Variants in SLIT3 observed in about 807,000 individuals in gnomAD.
SLIT3 encodes slit homolog 3 protein.
Under a neutral mutation model 184.0 loss-of-function variants are expected in SLIT3, and 68 were observed. The observed-to-expected ratio is 0.37, with a 90% CI of 0.30 to 0.45. The LOEUF is 0.45. Among genes scored for constraint, SLIT3 ranks in the 20% least tolerant of loss-of-function variants. The pLI is 1.00. For missense variants in SLIT3, 1,707 were observed against 2,026.0 expected, an observed-to-expected ratio of 0.84 and a Z score of 3.02; for synonymous variants, 831 against 828.6, an observed-to-expected ratio of 1.00 and a Z score of -0.05.
At chr5:168,928,761 C>G (rs374888980) in intron 4 of SLIT3, among the ~76,000 whole-genome samples, 28 of 152,180 alleles carry the variant, frequency 1.8e-4, no homozygotes, top group Non-Finnish European at 2.9e-4. Flanking sequence ...TAAAATAGCA[C>G]TTTTAGAGCC....
intron 4 of SLIT3, among the ~76,000 whole-genome samples, chr5:169,052,042 C>T (rs1277905302): frequency 6.6e-6 from 1 of 151,992 alleles, no homozygotes. Flanking sequence ...CGGACATCCC[C>T]AGCCCCCTTC....
chr5:168,815,368 G>C (rs1757304772), intron 8 of SLIT3, among the ~76,000 whole-genome samples: 1 of 152,166 alleles, frequency 6.6e-6, no homozygotes, highest in South Asian at 2.1e-4. Flanking sequence ...GAAGTGGTGT[G>C]TGAGGTCATA....
At chr5:168,860,264 T>C (rs1377979706) in intron 5 of SLIT3, among the ~76,000 whole-genome samples, 4 of 152,290 alleles carry the variant, frequency 2.6e-5, no homozygotes, top group Admixed American at 2.0e-4. Flanking sequence ...GCTAACCCCT[T>C]GGGTCACACT....
At position 169,055,725 on chromosome 5, in the gene SLIT3, G is replaced by A. The variant is rs568709242; in HGVS notation, c.413+137754C>T. 7.0e-4 allele frequency among the ~76,000 whole-genome samples: 106 copies of A among 152,134 alleles called. 1 individual carries two copies. The highest frequency in any genetic ancestry group is 1.1e-3 in the Admixed American group (17 of 15,278). On this transcript the variant is annotated intron_variant, in intron 4 of 35. Coordinates refer to ENST00000519560, the MANE Select transcript of SLIT3 (RefSeq NM_003062.4). The stretch of plus-strand genomic sequence containing the variant: ...GTGGTAGCTGTAGTGCCAGCTACTC[G>A]GGAGGCTGAGGCAGAGAATGGTTTG...
rs568832010 is a variant in SLIT3 at position 168,932,220 on chromosome 5, C to T, written c.414-48884G>A. Among the ~76,000 whole-genome samples, 7 of 151,324 alleles carry T rather than the reference C, an allele frequency of 4.6e-5. No individual in the cohort carries two copies. The East Asian group carries it at 1.4e-3, about 29-fold the overall frequency. On this transcript the variant is annotated intron_variant, in intron 4 of 35. Coordinates refer to ENST00000519560, the MANE Select transcript of SLIT3 (RefSeq NM_003062.4). ...CTAATTCAGCCCCAAATGCCAACTC[C>T]CTACCCATTCCTGACACAGTTTTTT...
At chr5:169,033,649 G>T (rs1757122669) in intron 4 of SLIT3, among the ~76,000 whole-genome samples, 1 of 152,058 alleles carries the variant, frequency 6.6e-6, no homozygotes, top group Admixed American at 6.6e-5. Context: ...GTGTAAGGTG[G>T]TATCTCATCT....
At chr5:169,169,206 C>T (rs908145074) in intron 4 of SLIT3, among the ~76,000 whole-genome samples, 2 of 152,168 alleles carry the variant, frequency 1.3e-5, no homozygotes, top group Non-Finnish European at 2.9e-5. Context: ...GTCCTGGGTC[C>T]ACGGCATCCA....
intron 4 of SLIT3, among the ~76,000 whole-genome samples, chr5:168,922,487 G>A (rs1480403651): frequency 6.7e-6 from 1 of 149,936 alleles, no homozygotes; most frequent in Admixed American, 6.7e-5. Flanking sequence ...GAAGTGGAAG[G>A]TGGGAACCAT....
chr5:169,209,865 C>A (rs1441704291), intron 3 of SLIT3, among the ~76,000 whole-genome samples: 2 of 152,086 alleles, frequency 1.3e-5, no homozygotes, highest in East Asian at 1.9e-4. Flanking sequence ...TGACGGGGTG[C>A]AGCAAACCAC....
chr5:168,833,575 G>A (rs1275567584), intron 6 of SLIT3, among the ~76,000 whole-genome samples: 1 of 152,242 alleles, frequency 6.6e-6, no homozygotes, highest in Non-Finnish European at 1.5e-5. Context: ...CCTAGAAAGG[G>A]AGGGTGTTGT....
At chr5:168,817,540 C>A in intron 7 of SLIT3, 77 bp from the exon 8 acceptor site, 1 of 1,392,168 alleles carries the variant, frequency 7.2e-7, no homozygotes, top group African/African-American at 1.4e-5. Context: ...ACAGAGTGAC[C>A]AAAACCCCTG....
intron 4 of SLIT3, among the ~76,000 whole-genome samples, chr5:169,036,857 C>A (rs1315243615): frequency 6.6e-6 from 1 of 152,166 alleles, no homozygotes; most frequent in African/African-American, 2.4e-5. Context: ...CTTCCGGGAC[C>A]AGAGAGCAAA....
intron 27 of SLIT3, among the ~76,000 whole-genome samples, chr5:168,699,694 C>T (rs534326138): frequency 3.8e-4 from 58 of 152,298 alleles, no homozygotes; most frequent in Admixed American, 8.5e-4. Flanking sequence ...TCAGGAGATA[C>T]GACCTAGAGC....
intron 3 of SLIT3, among the ~76,000 whole-genome samples, chr5:169,223,535 T>A (rs1225945439): frequency 6.6e-6 from 1 of 152,156 alleles, no homozygotes; most frequent in Non-Finnish European, 1.5e-5. Context: ...CCTGATGGGA[T>A]TTAGCTCTGT....
rs769394455 is a variant in SLIT3, at chr5:168,666,552, T to C, written c.4474A>G (p.Ser1492Gly). The change falls in exon 36 of 36, where the codon AGC becomes GGC. Residue 1492 changes from serine to glycine, a missense_variant. Ser to Gly is a moderately conservative substitution (Grantham distance 56). Coordinates refer to ENST00000519560, the MANE Select transcript of SLIT3 (RefSeq NM_003062.4). ...TGGAAGACGTATTTCCGCCGCTTGC[T>C]GCGGGTGGGCTGGCAGCACTGGGGC... is the stretch of plus-strand genomic sequence containing the variant. ...CGPQCCQPTR[S>G]KRRKYVFQCT... is the part of the protein sequence containing the mutation. 1 of 1,614,024 alleles carries C rather than the reference T, an allele frequency of 6.2e-7. No homozygotes were observed. The highest frequency in any genetic ancestry group is 1.1e-5 in the South Asian group (1 of 91,066).
intron 14 of SLIT3, among the ~76,000 whole-genome samples, chr5:168,769,067 G>T (rs893457818): frequency 1.3e-5 from 2 of 152,200 alleles, no homozygotes; most frequent in South Asian, 2.1e-4. Flanking sequence ...CTAAGAGAAG[G>T]AAGGAAAGGG....
At chr5:168,782,634 C>T (rs1756014856) in intron 12 of SLIT3, among the ~76,000 whole-genome samples, 1 of 152,182 alleles carries the variant, frequency 6.6e-6, no homozygotes, top group Non-Finnish European at 1.5e-5. Context: ...AATTGAGCTG[C>T]TCCCACCCCT....
chr5:169,251,834 C>T (rs558948021), intron 1 of SLIT3, among the ~76,000 whole-genome samples: 2 of 152,264 alleles, frequency 1.3e-5, no homozygotes, highest in South Asian at 4.2e-4. Context: ...CTTCAGTTTT[C>T]CTGACCACAG....
At chr5:168,868,761 A>AAAAAAAAG (rs1554150965) in intron 5 of SLIT3, among the ~76,000 whole-genome samples, 1 of 141,048 alleles carries the variant, frequency 7.1e-6, no homozygotes, top group African/African-American at 2.9e-5. Context: ...AAAAAAAAAA[A>AAAAAAAAG]AAAAAGAAAA....
Sources: allele counts gnomAD v4.1 joint callset (sites outside exome capture counted in the v4.1 genomes callset), GRCh38; gene constraint gnomAD v4.1.1; transcripts MANE v1.5; gene names NCBI Gene and HGNC (gene_info 2026-07-23, HGNC 2026-07-21).